The following SEPTIN7 variants were observed in gnomAD, a reference collection of about 807,000 sequenced individuals.
SEPTIN7 encodes the protein septin-7.
In SEPTIN7, 10 loss-of-function variants were observed where a neutral mutation model predicts 63.3. The observed-to-expected ratio is 0.16, with a 90% confidence interval of 0.10 to 0.27. The LOEUF is 0.27. SEPTIN7 is among the 10% of genes least tolerant of loss of function. The pLI, the probability that SEPTIN7 is intolerant of heterozygous loss-of-function variation, is 1.00. For synonymous variants in SEPTIN7, 131 were observed against 165.3 expected (o/e 0.79, Z 1.59); for missense variants, 310 against 521.0 (o/e 0.59, Z 3.94).
intron 9 of SEPTIN7, among the ~76,000 whole-genome samples, chr7:35,885,539 C>G (rs1225578530): frequency 1.3e-5 from 2 of 151,968 alleles, no homozygotes; most frequent in Non-Finnish European, 2.9e-5. Flanking sequence ...ATATTTTTTA[C>G]CAATAATAAG....
At chr7:35,838,248 C>CAA (rs1562536673) in intron 3 of SEPTIN7, among the ~76,000 whole-genome samples, 1 of 17,822 alleles carries the variant, frequency 5.6e-5, no homozygotes, top group Non-Finnish European at 1.3e-4. Flanking sequence ...TTCCTTCCTT[C>CAA]CTTCCTTCCT....
intron 4 of SEPTIN7, among the ~76,000 whole-genome samples, chr7:35,867,781 C>G (rs117172121): frequency 0.011 from 1,692 of 151,972 alleles, 23 homozygotes; most frequent in Non-Finnish European, 0.019. Context: ...TAAGATAATT[C>G]TTTTGTGCAA....
At chr7:35,844,668 C>T (rs1289189804) in intron 3 of SEPTIN7, among the ~76,000 whole-genome samples, 3 of 152,002 alleles carry the variant, frequency 2.0e-5, no homozygotes, top group African/African-American at 4.8e-5. Flanking sequence ...GGCGTGATCT[C>T]GGCTCACTGC....
intron 1 of SEPTIN7, among the ~76,000 whole-genome samples, chr7:35,819,228 C>T (rs1789266362): frequency 6.6e-6 from 1 of 152,076 alleles, no homozygotes; most frequent in Non-Finnish European, 1.5e-5. Context: ...AAAGAATGTA[C>T]TGTTTAATTT....
At chr7:35,832,595 C>G (rs536702453) in intron 2 of SEPTIN7, 19 of 434,798 alleles carry the variant, frequency 4.4e-5, no homozygotes, top group Non-Finnish European at 7.2e-5. Context: ...TTATAATTAA[C>G]CATTATATTG....
chr7:35,907,102 T>A lies in SEPTIN7; in HGVS notation c.*2809T>A, dbSNP rs1562598222. The stretch of plus-strand genomic sequence containing the variant: ...AAAGAGTGAAATAAAAGGTTTACAC[T>A]TTCCCCAAGCTCCAATGAATTATTA... On this transcript the variant is annotated 3_prime_UTR_variant, in exon 14 of 14. Transcript: ENST00000350320. 1 of 152,244 alleles carries A rather than the reference T, an allele frequency of 6.6e-6. No individual in the cohort carries two copies. The highest frequency in any genetic ancestry group is 2.4e-5 in the African/African-American group (1 of 41,460). The allele number at this position is 152,244 out of a possible 1,614,324, so 9.4% of individuals were successfully genotyped here. A position where few individuals can be genotyped will look rare whatever the true frequency, so the allele number is the denominator to read the frequency against.
At chr7:35,807,559 TTC>T (rs1332239024) in intron 1 of SEPTIN7, among the ~76,000 whole-genome samples, 3 of 151,906 alleles carry the variant, frequency 2.0e-5, no homozygotes, top group Admixed American at 1.3e-4. Context: ...GAGACGGGGT[TTC>T]ACTGTGTTAG....
chr7:35,805,583 A>G (rs553210190), intron 1 of SEPTIN7, among the ~76,000 whole-genome samples: 1 of 152,304 alleles, frequency 6.6e-6, no homozygotes, highest in South Asian at 2.1e-4. Context: ...CTGTCATGCT[A>G]AAGTTTATGT....
rs1283670432 is a variant in SEPTIN7, at chr7:35,828,729, GTATCTGCATGGCGATGA to G, written c.62-2761_62-2745del. 3.3e-5 allele frequency among the ~76,000 whole-genome samples: 5 copies of G among 152,136 alleles called. No homozygotes were observed. In the South Asian group the frequency reaches 6.2e-4, roughly 19 times the overall value. ...TTGGGAATCCAATCCTGTTTCAATA[GTATCTGCATGGCGATGA>G]TTCCTAAATCTATATTTTCAGCACC... On this transcript the variant is annotated intron_variant, in intron 1 of 13. Transcript: ENST00000350320.
chr7:35,814,687 G>C (rs189408216), intron 1 of SEPTIN7, among the ~76,000 whole-genome samples: 4 of 152,088 alleles, frequency 2.6e-5, no homozygotes, highest in African/African-American at 7.2e-5. Context: ...TTTAAAGCTG[G>C]GATTCTGACC....
At chr7:35,858,358 A>G (rs911775605) in intron 3 of SEPTIN7, among the ~76,000 whole-genome samples, 4 of 151,548 alleles carry the variant, frequency 2.6e-5, no homozygotes, top group South Asian at 4.2e-4. Context: ...GGTTTTGCTG[A>G]TTTCTGTTCT....
chr7:35,864,627 AATTG>A (rs1289615487), intron 4 of SEPTIN7, among the ~76,000 whole-genome samples: 2 of 151,990 alleles, frequency 1.3e-5, no homozygotes, highest in East Asian at 1.9e-4. Context: ...GGTTAAATAA[AATTG>A]ATTGATTTCA....
At chr7:35,886,025 A>T (rs1583624931) in intron 10 of SEPTIN7, 146 bp downstream of exon 10, 1 of 606,968 alleles carries the variant, frequency 1.6e-6, no homozygotes, top group East Asian at 2.9e-5. Flanking sequence ...CATATAGATG[A>T]TTCTTTCTCC....
chr7:35,873,929 G>A, intron 6 of SEPTIN7, 154 bp downstream of exon 6: 1 of 644,056 alleles, frequency 1.6e-6, no homozygotes, highest in Non-Finnish European at 2.6e-6. Context: ...TAGTTGAAAA[G>A]CCATTTTAAG....
intron 11 of SEPTIN7, among the ~76,000 whole-genome samples, chr7:35,896,543 T>C (rs1194934459): frequency 1.3e-5 from 2 of 152,268 alleles, no homozygotes; most frequent in South Asian, 2.1e-4. Flanking sequence ...CTGTGTGTGC[T>C]CAAGAGATCA....
chr7:35,902,324 T>G (rs985616817), intron 12 of SEPTIN7: 1 of 152,108 alleles, frequency 6.6e-6, no homozygotes, highest in African/African-American at 2.4e-5. Flanking sequence ...CATGAGTGTT[T>G]ACTGCCTCTC....
At chr7:35,845,149 C>A (rs111489805) in intron 3 of SEPTIN7, among the ~76,000 whole-genome samples, 1,656 of 152,000 alleles carry the variant, frequency 0.011, 37 homozygotes, top group East Asian at 0.08. Flanking sequence ...GAGATACTTA[C>A]ACAGGAATGC....
chr7:35,870,816 C>A (rs1201716674), intron 4 of SEPTIN7, among the ~76,000 whole-genome samples: 2 of 137,540 alleles, frequency 1.5e-5, no homozygotes, highest in Non-Finnish European at 3.1e-5. Context: ...CAGAGTGAGA[C>A]CCTGACTAAA....
intron 3 of SEPTIN7, among the ~76,000 whole-genome samples, chr7:35,840,610 A>G (rs1458507545): frequency 6.6e-6 from 1 of 151,956 alleles, no homozygotes; most frequent in East Asian, 1.9e-4. Context: ...TTATGCTACT[A>G]AAGATTATAT....
Sources: gnomAD v4.1 joint callset for allele counts (sites outside exome capture counted in the v4.1 genomes callset) on GRCh38, gnomAD v4.1.1 for gene constraint, MANE v1.5 for transcripts, NCBI Gene and HGNC (gene_info 2026-07-23, HGNC 2026-07-21) for gene names.